The following SSBP3 variants were observed in gnomAD, a reference collection of about 807,000 sequenced individuals.
SSBP3 encodes single stranded DNA binding protein 3.
In SSBP3, 5 loss-of-function variants were observed where a neutral mutation model predicts 69.6. That is an observed-to-expected ratio of 0.07 (90% CI 0.04 to 0.15). The LOEUF is 0.15. Among genes scored for constraint, SSBP3 ranks in the 10% least tolerant of loss-of-function variants. The probability of loss-of-function intolerance (pLI) is 1.00; values close to 1 mark genes in which losing one functional copy is unlikely to be tolerated. For missense variants in SSBP3, 312 were observed against 534.0 expected (o/e 0.58, Z 4.10); for synonymous variants, 196 against 193.4 (o/e 1.01, Z -0.11).
chr1:54,311,364 A>G (rs1258778244), intron 4 of SSBP3, among the ~76,000 whole-genome samples: 1 of 152,160 alleles, frequency 6.6e-6, no homozygotes, highest in African/African-American at 2.4e-5. Flanking sequence ...AGGGTCTGTC[A>G]TGTCAAAGTG....
chr1:54,352,748 C>T (rs540389778), intron 4 of SSBP3, among the ~76,000 whole-genome samples: 47 of 152,308 alleles, frequency 3.1e-4, no homozygotes, highest in Admixed American at 1.3e-4. Flanking sequence ...CAGAAACGTG[C>T]AGACAACACA....
rs560956375 is a variant in SSBP3, at chr1:54,232,793, G to A, written c.928-3967C>T. 5.9e-5 allele frequency among the ~76,000 whole-genome samples: 9 copies of A among 152,334 alleles called. No individual in the cohort carries two copies. The South Asian group carries it at 1.7e-3, about 28-fold the overall frequency. On this transcript the variant is annotated intron_variant, in intron 14 of 17. Transcript: ENST00000610401. ...GAGACGGGGTTTCGCTGTGTTGGCC[G>A]GGCCGTCTCCAGCCCCTAACCGCGA...
chr1:54,257,002 C>G, intron 7 of SSBP3, 125 bp downstream of exon 7: 1 of 953,498 alleles, frequency 1.0e-6, no homozygotes, highest in Non-Finnish European at 1.6e-6. Flanking sequence ...TAGTAAGCTA[C>G]CAGCCACGTT....
exon 1 of SSBP3, chr1:54,406,164 C>G (rs1351335408): frequency 1.8e-5 from 9 of 509,738 alleles, no homozygotes; most frequent in Middle Eastern, 5.7e-4. Flanking sequence ...TCCCCTCCCT[C>G]CCCCCCAGGC....
intron 4 of SSBP3, among the ~76,000 whole-genome samples, chr1:54,305,636 AG>A (rs67862507): frequency 7.3e-4 from 95 of 129,334 alleles, no homozygotes; most frequent in African/African-American, 1.6e-3. Flanking sequence ...AAAAAAAAAG[AG>A]AGAGAGAGAG....
intron 4 of SSBP3, among the ~76,000 whole-genome samples, chr1:54,317,415 T>C (rs1390062514): frequency 2.0e-5 from 3 of 151,822 alleles, no homozygotes; most frequent in Non-Finnish European, 4.4e-5. Context: ...CAGGCGCCTG[T>C]GATCCCAGCT....
At chr1:54,274,411 G>C (rs1645248831) in intron 5 of SSBP3, among the ~76,000 whole-genome samples, 2 of 142,248 alleles carry the variant, frequency 1.4e-5, no homozygotes, top group African/African-American at 2.5e-5. Context: ...GAGGGTGTCA[G>C]ACAGTTCTAC....
In SSBP3 at chr1:54,330,201, C is replaced by A. The variant is rs142867874; in HGVS notation, c.277-48674G>T. On this transcript the variant is annotated intron_variant, in intron 4 of 17. Coordinates refer to ENST00000610401, the Ensembl canonical transcript of SSBP3. ...ACCTGAGCCAGAAGGAAATCTGGGC[C>A]AAACTGAAAAAAACGCAAACATCAA... Among the ~76,000 whole-genome samples the A allele has an allele frequency of 5.1e-3, 773 of 152,168 alleles. 9 individuals are homozygous for A. Among genetic ancestry groups the A allele is most frequent in the African/African-American group, 0.017 (723 of 41,498 alleles).
intron 4 of SSBP3, among the ~76,000 whole-genome samples, chr1:54,305,635 G>A (rs10888845): frequency 0.71 from 94,760 of 133,664 alleles, 33,876 homozygotes; most frequent in East Asian, 0.83. Flanking sequence ...AAAAAAAAAA[G>A]AGAGAGAGAG....
At chr1:54,361,945 CAGAA>C (rs1214166952) in intron 4 of SSBP3, among the ~76,000 whole-genome samples, 1 of 152,176 alleles carries the variant, frequency 6.6e-6, no homozygotes, top group Non-Finnish European at 1.5e-5. Flanking sequence ...GGTGCAACCA[CAGAA>C]AGCTCTCCCA....
Position 54,401,384 on chromosome 1 carries a change from A to ACACACACACG in SSBP3, c.276+476_276+477insCGTGTGTGTG, listed in dbSNP as rs1553150937. 2.8e-3 allele frequency among the ~76,000 whole-genome samples: 418 copies of ACACACACACG among 151,952 alleles called. 4 individuals are homozygous for ACACACACACG. Among genetic ancestry groups the ACACACACACG allele is most frequent in the African/African-American group, 8.2e-3 (339 of 41,402 alleles). On this transcript the variant is annotated intron_variant, in intron 4 of 17. Coordinates refer to ENST00000610401, the Ensembl canonical transcript of SSBP3. ...ATGAGCCCACCCACACCAAACACACACACACACACACACACACACCCATAA... is the reference window on the plus strand; with the variant it reads ...ATGAGCCCACCCACACCAAACACACACACACACACGCACACACACACACACACACCCATAA...
chr1:54,254,115 G>T (rs911822278), intron 7 of SSBP3, among the ~76,000 whole-genome samples: 1 of 152,214 alleles, frequency 6.6e-6, no homozygotes, highest in Admixed American at 6.5e-5. Flanking sequence ...GAAAAACAAC[G>T]GCTCATATAT....
chr1:54,355,697 C>T (rs1342647051), intron 4 of SSBP3, among the ~76,000 whole-genome samples: 1 of 152,172 alleles, frequency 6.6e-6, no homozygotes, highest in East Asian at 1.9e-4. Flanking sequence ...TTTAAGGAGG[C>T]TTCTTGGAAA....
chr1:54,251,722 T>C lies in SSBP3; in HGVS notation c.575-30A>G, dbSNP rs201419953. 48 of 1,581,540 alleles carry C rather than the reference T, an allele frequency of 3.0e-5. No individual in the cohort carries two copies. In the East Asian group the frequency reaches 8.7e-4, roughly 29 times the overall value. The stretch of plus-strand genomic sequence containing the variant: ...GTGAGAGAGGAGGCGCGTCATGGGA[T>C]GGCAGGAGTGGAGGGAGGAGGAGCC... On this transcript the variant is annotated intron_variant, in intron 8 of 17. Coordinates refer to ENST00000610401, the Ensembl canonical transcript of SSBP3.
At chr1:54,387,074 T>C (rs1648141817) in intron 4 of SSBP3, among the ~76,000 whole-genome samples, 2 of 152,186 alleles carry the variant, frequency 1.3e-5, no homozygotes, top group African/African-American at 2.4e-5. Context: ...GTTCCATCCG[T>C]CTGTCTTCCT....
chr1:54,397,442 C>T (rs1270709836), intron 4 of SSBP3, among the ~76,000 whole-genome samples: 1 of 152,218 alleles, frequency 6.6e-6, no homozygotes, highest in African/African-American at 2.4e-5. Flanking sequence ...CCTGCCCACG[C>T]CCATGACTCT....
intron 4 of SSBP3, among the ~76,000 whole-genome samples, chr1:54,345,211 T>A (rs76959277): frequency 6.6e-6 from 1 of 152,176 alleles, no homozygotes; most frequent in Non-Finnish European, 1.5e-5. Flanking sequence ...ACCCAGCCGT[T>A]AGAAACTAAC....
intron 4 of SSBP3, among the ~76,000 whole-genome samples, chr1:54,393,405 C>T (rs1488122132): frequency 6.6e-6 from 1 of 152,180 alleles, no homozygotes; most frequent in African/African-American, 2.4e-5. Context: ...CTCACCCCAA[C>T]GTCATTCTGC....
rs138727458 is a variant in SSBP3, at chr1:54,347,258, G to A, written c.276+54603C>T. Among the ~76,000 whole-genome samples the A allele has an allele frequency of 6.1e-3, 923 of 151,496 alleles. 12 individuals carry two copies. The highest frequency in any genetic ancestry group is 0.021 in the African/African-American group (866 of 41,260). ...ACTGGGGTTAGAGGTGTGAGCCACC[G>A]TGCCCAGCCCTCCTATATACTTTAA... On this transcript the variant is annotated intron_variant, in intron 4 of 17. Coordinates refer to ENST00000610401, the Ensembl canonical transcript of SSBP3.
Sources: gnomAD v4.1 joint callset for allele counts (sites outside exome capture counted in the v4.1 genomes callset) on GRCh38, gnomAD v4.1.1 for gene constraint, MANE v1.5 for transcripts, NCBI Gene and HGNC (gene_info 2026-07-23, HGNC 2026-07-21) for gene names.